HS3ST4: variants seen among roughly 807,000 people sequenced by gnomAD.
HS3ST4 encodes heparan sulfate-glucosamine 3-sulfotransferase 4.
Under a neutral mutation model 29.2 loss-of-function variants are expected in HS3ST4, and 17 were observed. The observed-to-expected ratio is 0.58, with a 90% confidence interval of 0.40 to 0.87. The LOEUF (loss-of-function observed/expected upper bound fraction) is 0.87. Among genes scored for constraint, HS3ST4 ranks in the 40% least tolerant of loss-of-function variants. The pLI, the probability that HS3ST4 is intolerant of heterozygous loss-of-function variation, is 0.00. For synonymous variants in HS3ST4, 314 were observed against 285.7 expected, an observed-to-expected ratio of 1.10 and a Z score of -1.00; for missense variants, 627 against 634.5, an observed-to-expected ratio of 0.99 and a Z score of 0.13.
chr16:25,784,562 A>T (rs866797595), intron 1 of HS3ST4, among the ~76,000 whole-genome samples: 1 of 152,256 alleles, frequency 6.6e-6, no homozygotes, highest in Non-Finnish European at 1.5e-5. Flanking sequence ...TAGAAGATCA[A>T]ACCAGCTACA....
intron 1 of HS3ST4, among the ~76,000 whole-genome samples, chr16:25,773,182 C>T (rs1053954414): frequency 3.9e-5 from 6 of 152,310 alleles, no homozygotes; most frequent in African/African-American, 1.4e-4. Flanking sequence ...CACACTTCCC[C>T]AGTTTTGTTC....
chr16:25,907,569 T>C (rs1466898239), intron 1 of HS3ST4, among the ~76,000 whole-genome samples: 2 of 152,196 alleles, frequency 1.3e-5, no homozygotes, highest in African/African-American at 4.8e-5. Flanking sequence ...CTGCCATGGC[T>C]GGACAGCTCA....
intron 1 of HS3ST4, among the ~76,000 whole-genome samples, chr16:25,909,851 T>G (rs530027805): frequency 6.6e-6 from 1 of 152,238 alleles, no homozygotes; most frequent in Admixed American, 6.5e-5. Flanking sequence ...AGATGATTAT[T>G]TTTTGTTTGT....
At chr16:25,731,660 G>C (rs1966570752) in intron 1 of HS3ST4, among the ~76,000 whole-genome samples, 1 of 152,130 alleles carries the variant, frequency 6.6e-6, no homozygotes, top group South Asian at 2.1e-4. Context: ...ACTCTTATGA[G>C]GTAGGATATT....
chr16:25,776,116 C>T (rs890334387), intron 1 of HS3ST4, among the ~76,000 whole-genome samples: 1 of 152,160 alleles, frequency 6.6e-6, no homozygotes, highest in Non-Finnish European at 1.5e-5. Flanking sequence ...CCTCTTGACT[C>T]CTGTACCTTG....
chr16:25,789,314 T>C (rs1174078130), intron 1 of HS3ST4, among the ~76,000 whole-genome samples: 1 of 151,642 alleles, frequency 6.6e-6, no homozygotes, highest in Non-Finnish European at 1.5e-5. Flanking sequence ...TTTCTTTCTT[T>C]CTCCTCCTCC....
At chr16:25,848,150 A>G (rs1337694326) in intron 1 of HS3ST4, among the ~76,000 whole-genome samples, 3 of 149,330 alleles carry the variant, frequency 2.0e-5, no homozygotes, top group Non-Finnish European at 4.5e-5. Flanking sequence ...TTTTTTTTTT[A>G]TTTTTTGAGA....
chr16:26,092,661 T>C (rs1898871094), intron 1 of HS3ST4, among the ~76,000 whole-genome samples: 1 of 152,168 alleles, frequency 6.6e-6, no homozygotes, highest in African/African-American at 2.4e-5. Flanking sequence ...GGTCTGCAGC[T>C]CCCAGTGTGA....
intron 1 of HS3ST4, among the ~76,000 whole-genome samples, chr16:26,008,631 C>A (rs1969280973): frequency 6.6e-6 from 1 of 152,066 alleles, no homozygotes; most frequent in African/African-American, 2.4e-5. Flanking sequence ...CCAGCCTGAC[C>A]AACATGGTGA....
intron 1 of HS3ST4, among the ~76,000 whole-genome samples, chr16:25,884,510 G>A (rs1413942037): frequency 6.6e-6 from 1 of 152,118 alleles, no homozygotes; most frequent in Non-Finnish European, 1.5e-5. Context: ...TGTATTTATT[G>A]TCTGTCTCCC....
chr16:25,917,327 C>T (rs1208355699), intron 1 of HS3ST4, among the ~76,000 whole-genome samples: 1 of 152,172 alleles, frequency 6.6e-6, no homozygotes, highest in African/African-American at 2.4e-5. Flanking sequence ...ATTCTCCTGC[C>T]TTACCCTCCC....
At chr16:26,026,925 C>T (rs563250479) in intron 1 of HS3ST4, among the ~76,000 whole-genome samples, 124 of 152,124 alleles carry the variant, frequency 8.2e-4, no homozygotes, top group Non-Finnish European at 1.0e-3. Context: ...AAACCTTTTG[C>T]GTGCACATGA....
At chr16:25,928,035 C>CAAAAAAAAA (rs767016845) in intron 1 of HS3ST4, among the ~76,000 whole-genome samples, 1 of 50,922 alleles carries the variant, frequency 2.0e-5, no homozygotes, top group African/African-American at 6.9e-5. Flanking sequence ...CCCATCTCGA[C>CAAAAAAAAA]AAAAAAAAAA....
At chr16:25,800,634 G>A (rs574720863) in intron 1 of HS3ST4, among the ~76,000 whole-genome samples, 28 of 152,232 alleles carry the variant, frequency 1.8e-4, no homozygotes, top group African/African-American at 6.7e-4. Flanking sequence ...CTCAGAGTTA[G>A]TGTGCATGAG....
intron 1 of HS3ST4, among the ~76,000 whole-genome samples, chr16:25,849,538 C>A (rs35387329): frequency 0.27 from 41,724 of 152,006 alleles, 6,412 homozygotes; most frequent in Admixed American, 0.34. Context: ...CTCGGTCTAT[C>A]ACCTAGGCTA....
At chr16:25,825,303 A>T (rs61216823) in intron 1 of HS3ST4, 34,089 of 152,124 alleles carry the variant, frequency 0.22, 3,936 homozygotes, top group Non-Finnish European at 0.24. Flanking sequence ...GAACTGTGAG[A>T]GAATTAATTG....
chr16:25,701,244 C>A (rs970183147), intron 1 of HS3ST4, among the ~76,000 whole-genome samples: 1 of 152,174 alleles, frequency 6.6e-6, no homozygotes, highest in Non-Finnish European at 1.5e-5. Context: ...TTCTTAAGAA[C>A]TTCTGTAGGA....
intron 1 of HS3ST4, among the ~76,000 whole-genome samples, chr16:26,033,041 C>T (rs1397087191): frequency 6.6e-6 from 1 of 152,056 alleles, no homozygotes; most frequent in African/African-American, 2.4e-5. Context: ...CGAGGTGGGA[C>T]CCATTCATTA....
intron 1 of HS3ST4, among the ~76,000 whole-genome samples, chr16:25,715,355 A>T (rs1405262542): frequency 1.3e-5 from 2 of 151,508 alleles, no homozygotes; most frequent in African/African-American, 2.4e-5. Flanking sequence ...ACCAAAAAAA[A>T]AAAAAACTCA....
Sources: gnomAD v4.1 joint callset for allele counts (sites outside exome capture counted in the v4.1 genomes callset) on GRCh38, gnomAD v4.1.1 for gene constraint, MANE v1.5 for transcripts, NCBI Gene and HGNC (gene_info 2026-07-23, HGNC 2026-07-21) for gene names.